IQGAP2: variants seen among roughly 807,000 people sequenced by gnomAD.
IQGAP2 encodes IQ motif containing GTPase activating protein 2.
A neutral mutation model predicts 201.3 loss-of-function variants in IQGAP2; 173 were observed. That is an observed-to-expected ratio of 0.86 (90% CI 0.76 to 0.98). IQGAP2 has a LOEUF of 0.98. Ranked by LOEUF, IQGAP2 falls within the 50% of genes least tolerant of loss-of-function variation. The probability of loss-of-function intolerance (pLI) is 0.00; values close to 1 mark genes in which losing one functional copy is unlikely to be tolerated. For synonymous variants in IQGAP2, 675 were observed against 673.9 expected (o/e 1.00, Z -0.03); for missense variants, 1,687 against 1,864.8 (o/e 0.90, Z 1.76).
chr5:76,501,476 T>A (rs987889667), intron 2 of IQGAP2, among the ~76,000 whole-genome samples: 1 of 152,076 alleles, frequency 6.6e-6, no homozygotes, highest in Non-Finnish European at 1.5e-5. Context: ...CGGAACAGTA[T>A]TGCATGCTCT....
chr5:76,591,074 G>A (rs1746616274), intron 8 of IQGAP2, among the ~76,000 whole-genome samples: 1 of 152,154 alleles, frequency 6.6e-6, no homozygotes, highest in African/African-American at 2.4e-5. Context: ...TCCAGCCTGG[G>A]CAACAGACTG....
intron 2 of IQGAP2, among the ~76,000 whole-genome samples, chr5:76,495,572 C>A (rs1756844042): frequency 6.6e-6 from 1 of 152,074 alleles, no homozygotes; most frequent in South Asian, 2.1e-4. Context: ...TTAATTCATT[C>A]TTGAGTCACT....
chr5:76,514,549 A>G (rs1479127856), intron 2 of IQGAP2, among the ~76,000 whole-genome samples: 1 of 152,176 alleles, frequency 6.6e-6, no homozygotes, highest in Non-Finnish European at 1.5e-5. Flanking sequence ...TCCTGAGTCT[A>G]TCATTCCCCT....
chr5:76,528,441 G>A (rs1362269198), intron 2 of IQGAP2, among the ~76,000 whole-genome samples: 1 of 152,200 alleles, frequency 6.6e-6, no homozygotes, highest in Non-Finnish European at 1.5e-5. Flanking sequence ...GGTAAAAGGT[G>A]TCATGAGTTA....
At chr5:76,693,309 T>G (rs768952674) in intron 30 of IQGAP2, 46 bp from the exon 31 acceptor site, 84 of 1,333,450 alleles carry the variant, frequency 6.3e-5, no homozygotes, top group Non-Finnish European at 8.5e-5. Context: ...TTTTTGTGCA[T>G]AAGGACTACA....
chr5:76,605,082 AG>A (rs1747709350), intron 11 of IQGAP2, among the ~76,000 whole-genome samples: 1 of 152,222 alleles, frequency 6.6e-6, no homozygotes, highest in African/African-American at 2.4e-5. Context: ...AAGACATAAA[AG>A]CACACTAAAC....
chr5:76,700,992 G>A (rs1747329171), intron 33 of IQGAP2, 84 bp from the exon 34 acceptor site: 2 of 1,418,260 alleles, frequency 1.4e-6, no homozygotes, highest in Non-Finnish European at 2.0e-6. Context: ...GAACAGCGAT[G>A]TCACTCTGAG....
At chr5:76,622,369 A>T (rs1749782514) in intron 13 of IQGAP2, among the ~76,000 whole-genome samples, 1 of 152,236 alleles carries the variant, frequency 6.6e-6, no homozygotes, top group African/African-American at 2.4e-5. Flanking sequence ...GCAACCGCTC[A>T]GGGATTCCAA....
chr5:76,591,169 A>G (rs1207247982), intron 8 of IQGAP2, among the ~76,000 whole-genome samples: 8 of 152,162 alleles, frequency 5.3e-5, no homozygotes, highest in Non-Finnish European at 8.8e-5. Flanking sequence ...CAAACTTACT[A>G]ATGTCCCCAG....
chr5:76,443,631 C>T (rs1753184261), intron 1 of IQGAP2, among the ~76,000 whole-genome samples: 1 of 152,038 alleles, frequency 6.6e-6, no homozygotes, highest in African/African-American at 2.4e-5. Flanking sequence ...AAAATAAAGC[C>T]GTCTCTCTAG....
chr5:76,512,795 G>A (rs1243993196), intron 2 of IQGAP2, among the ~76,000 whole-genome samples: 3 of 152,212 alleles, frequency 2.0e-5, no homozygotes, highest in South Asian at 2.1e-4. Flanking sequence ...GGTGGCTCAC[G>A]CCTGTAATCC....
chr5:76,437,760 T>C (rs1326632349), intron 1 of IQGAP2, among the ~76,000 whole-genome samples: 2 of 152,236 alleles, frequency 1.3e-5, no homozygotes, highest in African/African-American at 4.8e-5. Flanking sequence ...CCACATTTTC[T>C]TTATCCAGTC....
At chr5:76,627,580 T>G in intron 14 of IQGAP2, 80 bp downstream of exon 14, 1 of 770,788 alleles carries the variant, frequency 1.3e-6, no homozygotes, top group East Asian at 2.6e-5. Flanking sequence ...ATTTTTAATT[T>G]CTGAAAGATT....
At chr5:76,623,281 T>C in intron 13 of IQGAP2, 1 of 1,599,664 alleles carries the variant, frequency 6.3e-7, no homozygotes, top group Non-Finnish European at 8.6e-7. Flanking sequence ...TGTAAAATCA[T>C]GGAGCACAAT....
rs1580641122 is a variant in IQGAP2 at position 76,621,655 on chromosome 5, G to A, written c.1522-5755G>A. On this transcript the variant is annotated intron_variant, in intron 13 of 35. Transcript: ENST00000274364. The stretch of plus-strand genomic sequence containing the variant: ...CATGCCTCCAGACATGCCAAACAGT[G>A]CCTGTGTTTTGTGGAAAAGTTGATT... Among the ~76,000 whole-genome samples, 3 of 152,318 alleles carry A rather than the reference G, an allele frequency of 2.0e-5. No individual in the cohort carries two copies. The East Asian group carries it at 5.8e-4, about 29-fold the overall frequency.
intron 17 of IQGAP2, among the ~76,000 whole-genome samples, chr5:76,648,253 C>CA (rs1240854692): frequency 2.0e-5 from 3 of 152,126 alleles, no homozygotes; most frequent in Non-Finnish European, 4.4e-5. Context: ...CACTAGCCTC[C>CA]TTTTTTTCTC....
At chr5:76,610,227 G>T (rs1462198665) in intron 12 of IQGAP2, among the ~76,000 whole-genome samples, 1 of 139,872 alleles carries the variant, frequency 7.1e-6, no homozygotes, top group East Asian at 2.2e-4. Flanking sequence ...CTGCCTCCTG[G>T]ATTCAAGTGA....
At position 76,590,398 on chromosome 5, in the gene IQGAP2, T is replaced by G; in HGVS notation, c.641-10T>G. 6.3e-7 allele frequency: 1 copy of G among 1,577,906 alleles called. No individual in the cohort carries two copies. The highest frequency in any genetic ancestry group is 8.6e-7 in the Non-Finnish European group (1 of 1,161,902). On this transcript the variant is annotated splice_polypyrimidine_tract_variant and intron_variant, in intron 7 of 35. Transcript: ENST00000274364. ...AAAAACCTTTTTCTCTCTCTCTCTT[T>G]ACTTTTTAGTACATGCTGCAGTTAT... is the stretch of plus-strand genomic sequence containing the variant.
chr5:76,484,215 A>G (rs1170176614), intron 2 of IQGAP2, among the ~76,000 whole-genome samples: 1 of 152,178 alleles, frequency 6.6e-6, no homozygotes, highest in Non-Finnish European at 1.5e-5. Flanking sequence ...AAAGAACTCA[A>G]AATAGAGCAT....
Sources: gnomAD v4.1 joint callset for allele counts (sites outside exome capture counted in the v4.1 genomes callset) on GRCh38, gnomAD v4.1.1 for gene constraint, MANE v1.5 for transcripts, NCBI Gene and HGNC (gene_info 2026-07-23, HGNC 2026-07-21) for gene names.